Variants in AP2A2 observed in about 807,000 individuals in gnomAD.
The protein encoded by AP2A2 is adaptor related protein complex 2 subunit alpha 2.
Under a neutral mutation model 104.2 loss-of-function variants are expected in AP2A2, and 32 were observed. That is an observed-to-expected ratio of 0.31 (90% CI 0.23 to 0.41). The LOEUF is 0.41. Ranked by LOEUF, AP2A2 falls within the 10% of genes least tolerant of loss-of-function variation. The probability of loss-of-function intolerance (pLI) is 1.00; values close to 1 mark genes in which losing one functional copy is unlikely to be tolerated. For missense variants in AP2A2, 912 were observed against 1,261.0 expected (o/e 0.72, Z 4.19); for synonymous variants, 539 against 533.3 (o/e 1.01, Z -0.15).
intron 4 of AP2A2, among the ~76,000 whole-genome samples, chr11:974,707 C>T (rs903667273): frequency 8.9e-5 from 10 of 112,858 alleles, no homozygotes; most frequent in African/African-American, 2.9e-4. Flanking sequence ...AAAAAGAAAG[C>T]TGGGCATGGT....
intron 21 of AP2A2, chr11:1,010,144 G>C: frequency 2.1e-6 from 1 of 470,100 alleles, no homozygotes; most frequent in Non-Finnish European, 3.8e-6. Flanking sequence ...GCCCTGGGCG[G>C]TGGCTCTCCC....
chr11:993,523 C>T lies in AP2A2; in HGVS notation c.1550+142C>T, dbSNP rs1233999049. 18 of 680,392 alleles carry T rather than the reference C, an allele frequency of 2.6e-5. No individual in the cohort carries two copies. Among genetic ancestry groups the T allele is most frequent in the Non-Finnish European group, 2.1e-5 (9 of 422,872 alleles). 42.1% of individuals were successfully genotyped at this position (680,392 alleles called of 1,614,324 possible). A position where few individuals can be genotyped will look rare whatever the true frequency, so the allele number is the denominator to read the frequency against. On this transcript the variant is annotated intron_variant, in intron 12 of 21. Coordinates refer to ENST00000448903, the MANE Select transcript of AP2A2 (RefSeq NM_012305.4). This position sits in a 1 kb window ranked among gnomAD's most constrained non-coding sequence, Gnocchi z 8.2. ...CTCCCCATCGGCGTCTTTTTGTTTTCCTTCAGTTGATAGAAAAAGCAGGGA... is the reference window on the plus strand; with the variant it reads ...CTCCCCATCGGCGTCTTTTTGTTTTTCTTCAGTTGATAGAAAAAGCAGGGA...
At chr11:985,158 G>T (rs1386723185) in intron 7 of AP2A2, among the ~76,000 whole-genome samples, 3 of 152,170 alleles carry the variant, frequency 2.0e-5, no homozygotes, top group African/African-American at 7.2e-5. Context: ...TAACTTTTGC[G>T]TTTTTGTAGA....
At chr11:986,729 C>A in intron 8 of AP2A2, 56 bp from the exon 9 acceptor site, 1 of 1,585,038 alleles carries the variant, frequency 6.3e-7, no homozygotes. Context: ...AGACTCTGTC[C>A]AGTTTGTGTT....
intron 15 of AP2A2, among the ~76,000 whole-genome samples, chr11:1,002,409 A>G (rs1166831205): frequency 9.2e-5 from 14 of 152,218 alleles, no homozygotes; most frequent in Admixed American, 9.2e-4. Context: ...TGTGTTGTGG[A>G]TCGCTGTCCT....
At chr11:930,855 A>G (rs1287236125) in intron 1 of AP2A2, among the ~76,000 whole-genome samples, 1 of 152,100 alleles carries the variant, frequency 6.6e-6, no homozygotes, top group Non-Finnish European at 1.5e-5. Flanking sequence ...TTGCATAACT[A>G]CAGGACATAT....
At chr11:972,733 T>C (rs757212532) in intron 4 of AP2A2, among the ~76,000 whole-genome samples, 1 of 152,190 alleles carries the variant, frequency 6.6e-6, no homozygotes, top group Non-Finnish European at 1.5e-5. Context: ...TAGATTTCAA[T>C]TAAAGTGCAA....
At chr11:976,188 C>G (rs1273266315) in intron 4 of AP2A2, among the ~76,000 whole-genome samples, 1 of 152,152 alleles carries the variant, frequency 6.6e-6, no homozygotes, top group Non-Finnish European at 1.5e-5. Flanking sequence ...CTGGGCTGAT[C>G]TGGTGAGGAT....
chr11:959,598 A>T (rs1854359512), intron 2 of AP2A2, 93 bp downstream of exon 2: 2 of 825,364 alleles, frequency 2.4e-6, no homozygotes, highest in East Asian at 5.3e-5. Flanking sequence ...TTTCTCCCAC[A>T]CTAAAGTGAA....
chr11:937,387 G>A (rs775053476), intron 1 of AP2A2, among the ~76,000 whole-genome samples: 37 of 152,082 alleles, frequency 2.4e-4, no homozygotes, highest in Admixed American at 5.9e-4. Flanking sequence ...CTTCAGTGCC[G>A]TGAGCGCATG....
intron 9 of AP2A2, among the ~76,000 whole-genome samples, chr11:987,513 G>A (rs543312446): frequency 1.1e-3 from 160 of 152,204 alleles, no homozygotes; most frequent in Non-Finnish European, 1.7e-3. Context: ...TTAGCCGGGC[G>A]TGGTGGCGGC....
chr11:1,009,854 T>A, intron 21 of AP2A2, 37 bp downstream of exon 21: 1 of 1,523,242 alleles, frequency 6.6e-7, no homozygotes, highest in Non-Finnish European at 8.9e-7. Flanking sequence ...ACACTTGAGT[T>A]GCTTTTTATT....
intron 8 of AP2A2, among the ~76,000 whole-genome samples, chr11:985,869 A>G (rs569839953): frequency 1.3e-5 from 2 of 152,288 alleles, no homozygotes; most frequent in East Asian, 3.9e-4. Context: ...CATGTAGTGG[A>G]ACAGAGAGGA....
intron 1 of AP2A2, among the ~76,000 whole-genome samples, chr11:936,206 CT>C (rs982315120): frequency 0.027 from 2,926 of 110,024 alleles, 85 homozygotes; most frequent in African/African-American, 0.086. Flanking sequence ...TGCGCCTGGC[CT>C]TTTTTTTTTT....
intron 10 of AP2A2, among the ~76,000 whole-genome samples, chr11:989,242 G>A (rs992511959): frequency 2.6e-5 from 4 of 152,198 alleles, no homozygotes; most frequent in Non-Finnish European, 5.9e-5. Context: ...CAGGAGAATC[G>A]CTTGAACCCG....
At chr11:928,776 T>C (rs1404202784) in intron 1 of AP2A2, among the ~76,000 whole-genome samples, 1 of 152,182 alleles carries the variant, frequency 6.6e-6, no homozygotes, top group East Asian at 1.9e-4. Flanking sequence ...GTCTCTTTAA[T>C]ACGGCCCCTT....
At chr11:954,687 CAT>C (rs910917749) in intron 1 of AP2A2, among the ~76,000 whole-genome samples, 39 of 150,862 alleles carry the variant, frequency 2.6e-4, no homozygotes, top group African/African-American at 9.3e-4. Flanking sequence ...AATGTGTATT[CAT>C]GTGTGTTTGT....
intron 14 of AP2A2, among the ~76,000 whole-genome samples, chr11:999,496 C>CA (rs879641342): frequency 1.2e-3 from 179 of 151,386 alleles, no homozygotes; most frequent in Non-Finnish European, 1.7e-3. Context: ...GAGACTGTCT[C>CA]AAAAAAAACA....
Position 993,329 on chromosome 11 carries a change from G to A in AP2A2, c.1498G>A (p.Gly500Ser). 1.2e-6 allele frequency: 2 copies of A among 1,612,850 alleles called. No individual in the cohort carries two copies. The highest frequency in any genetic ancestry group is 1.7e-6 in the Non-Finnish European group (2 of 1,179,578). Reference protein sequence around the residue: ...ACHENLVKVGGYILGEFGNLI... With the variant: ...ACHENLVKVGSYILGEFGNLI... The stretch of plus-strand genomic sequence containing the variant: ...CCACGAGAACCTGGTCAAAGTGGGC[G>A]GCTACATCCTGGGGGAGTTTGGAAA... The change falls in exon 12 of 22, where the codon GGC becomes AGC. Residue 500 changes from glycine to serine, a missense_variant. Around this residue, in one of 7 missense-constraint regions of AP2A2, gnomAD observed 137 missense variants for 186.9 expected, o/e 0.73. Coordinates refer to ENST00000448903, the MANE Select transcript of AP2A2 (RefSeq NM_012305.4). This position sits in a 1 kb window ranked among gnomAD's most constrained non-coding sequence, Gnocchi z 8.2.
Sources: allele counts gnomAD v4.1 joint callset (sites outside exome capture counted in the v4.1 genomes callset), GRCh38; gene constraint gnomAD v4.1.1; regional missense constraint gnomAD v4.1.1; non-coding constraint Gnocchi (gnomAD v3.1); transcripts MANE v1.5; gene names NCBI Gene and HGNC (gene_info 2026-07-23, HGNC 2026-07-21).